Variants in USP7 observed in about 807,000 individuals in gnomAD.
USP7 encodes the protein ubiquitin C-terminal hydrolase 7.
Under a neutral mutation model 162.9 loss-of-function variants are expected in USP7, and 9 were observed. The ratio of observed to expected loss-of-function variants is 0.06; its 90% CI spans 0.03 to 0.10. The LOEUF (loss-of-function observed/expected upper bound fraction) is 0.10. USP7 is among the 10% of genes least tolerant of loss of function. The pLI is 1.00. For missense variants in USP7, 715 were observed against 1,373.7 expected (o/e 0.52, Z 7.58); for synonymous variants, 562 against 475.9 (o/e 1.18, Z -2.35).
rs765337096 is a variant in USP7 at position 8,894,659 on chromosome 16, A to T, written c.3112-19T>A. On this transcript the variant is annotated intron_variant, in intron 29 of 30. Transcript: ENST00000344836. Reference sequence around the variant, plus strand: ...ATTTAAACTAAAAGAAAAAAAATTAAAACTCCTCCGTTATTTCTGTATATC... The same window carrying T: ...ATTTAAACTAAAAGAAAAAAAATTATAACTCCTCCGTTATTTCTGTATATC... The T allele has an allele frequency of 6.2e-7, 1 of 1,612,300 alleles. No individual in the cohort carries two copies. Among genetic ancestry groups the T allele is most frequent in the Admixed American group, 1.7e-5 (1 of 59,826 alleles).
chr16:8,923,253 T>C lies in USP7; in HGVS notation c.345A>G (p.Val115=). The stretch of plus-strand genomic sequence containing the variant: ...CAGCATTGCACTGGAGAAAGAATCC[T>C]ACGCTTTTTTGGTGTGGTCTGTCTG... ...FYPDRPHQKS[V]GFFLQCNAES... The change falls in exon 3 of 31, where the codon GTA becomes GTG. Residue 115 remains valine, a synonymous_variant. Transcript: ENST00000344836. 3 of 1,208,774 alleles carry C rather than the reference T, an allele frequency of 2.5e-6. No homozygotes were observed. The highest frequency in any genetic ancestry group is 3.2e-6 in the Non-Finnish European group (3 of 945,094). The allele number at this position is 1,208,774 out of a possible 1,614,324, so 74.9% of individuals were successfully genotyped here.
chr16:8,899,740 T>A lies in USP7; in HGVS notation c.2327A>T (p.Asp776Val). ...CTTTGCGGTGGGTAATTCACTGTTA[T>A]CATTTTCAGGGTCATCCCTGGTGGA... is the stretch of plus-strand genomic sequence containing the variant. ...IVFQKDDPEN[D>V]NSELPTAKEY... Residue 776 changes from aspartate to valine, a missense_variant, in exon 22 of 31, where the codon GAT becomes GTT. By Grantham distance (152) the Asp-to-Val change is radical. Transcript: ENST00000344836. 6.2e-7 allele frequency: 1 copy of A among 1,614,188 alleles called. No homozygotes were observed. Among genetic ancestry groups the A allele is most frequent in the Non-Finnish European group, 8.5e-7 (1 of 1,180,028 alleles).
chr16:8,900,843 T>G, intron 20 of USP7, 147 bp downstream of exon 20: 1 of 846,828 alleles, frequency 1.2e-6, no homozygotes, highest in Non-Finnish European at 1.8e-6. Flanking sequence ...AATTCACAAA[T>G]CTAAATATGT....
At chr16:8,953,314 T>C (rs1385170007) in intron 1 of USP7, among the ~76,000 whole-genome samples, 2 of 151,660 alleles carry the variant, frequency 1.3e-5, no homozygotes. Context: ...CGGGGTAGAG[T>C]TGAGACCATA....
At chr16:8,933,654 T>C (rs149375139) in intron 1 of USP7, among the ~76,000 whole-genome samples, 12 of 152,216 alleles carry the variant, frequency 7.9e-5, no homozygotes, top group African/African-American at 2.6e-4. Context: ...GATTTTACAA[T>C]GTTGCCCAGG....
rs762920286 is a variant in USP7, at chr16:8,899,191, A to G, written c.2464-3T>C. 6.2e-7 allele frequency: 1 copy of G among 1,613,748 alleles called. No individual in the cohort carries two copies. Among genetic ancestry groups the G allele is most frequent in the Admixed American group, 1.7e-5 (1 of 59,936 alleles). On this transcript the variant is annotated splice_polypyrimidine_tract_variant and splice_region_variant and intron_variant, in intron 22 of 30. Transcript: ENST00000344836. ...CTCTGTGCAACTGTCTTTGCAACCT[A>G]AGACACAGAAAGGAAGGTTCACATT...
At chr16:8,940,145 A>G (rs755249669) in intron 1 of USP7, among the ~76,000 whole-genome samples, 2 of 151,616 alleles carry the variant, frequency 1.3e-5, no homozygotes, top group Non-Finnish European at 2.9e-5. Flanking sequence ...TATTTTTGTG[A>G]CTCCAAATGA....
intron 2 of USP7, 105 bp downstream of exon 2, chr16:8,930,188 C>T: frequency 1.2e-6 from 1 of 824,226 alleles, no homozygotes; most frequent in Non-Finnish European, 1.9e-6. Flanking sequence ...ACTAGCTACG[C>T]TCAGAAGTAC....
intron 2 of USP7, among the ~76,000 whole-genome samples, chr16:8,923,964 G>C (rs1406471279): frequency 6.6e-6 from 1 of 152,100 alleles, no homozygotes; most frequent in Non-Finnish European, 1.5e-5. Flanking sequence ...ATTGGTTCAC[G>C]ATTTTTGCAA....
intron 13 of USP7, among the ~76,000 whole-genome samples, chr16:8,905,711 T>C (rs1009454210): frequency 2.0e-5 from 3 of 152,224 alleles, no homozygotes; most frequent in Non-Finnish European, 4.4e-5. Flanking sequence ...GTTCAAATTT[T>C]ATCCTTTAGT....
chr16:8,921,163 G>A lies in USP7; in HGVS notation c.516C>T (p.Ala172=). ...ENDWGFSNFM[A]WSEVTDPEKG... The stretch of plus-strand genomic sequence containing the variant: ...TAAATACACTGTTACTTACACTCCA[G>A]GCCATAAAATTGGAAAATCCCCAAT... Residue 172 remains alanine, a synonymous_variant, in exon 4 of 31, where the codon GCC becomes GCT. Transcript: ENST00000344836. 1 of 1,613,724 alleles carries A rather than the reference G, an allele frequency of 6.2e-7. No individual in the cohort carries two copies. Among genetic ancestry groups the A allele is most frequent in the Non-Finnish European group, 8.5e-7 (1 of 1,179,992 alleles).
At chr16:8,912,214 G>C (rs939260348) in intron 10 of USP7, among the ~76,000 whole-genome samples, 3 of 152,198 alleles carry the variant, frequency 2.0e-5, no homozygotes, top group African/African-American at 7.2e-5. Context: ...CACTTTGGGA[G>C]GCAGAGGTAC....
chr16:8,896,697 C>G (rs572210658), intron 26 of USP7, among the ~76,000 whole-genome samples: 1 of 152,154 alleles, frequency 6.6e-6, no homozygotes, highest in African/African-American at 2.4e-5. Context: ...CTTTTTACTA[C>G]AGCTAATGTT....
At position 8,895,658 on chromosome 16, in the gene USP7, C is replaced by T; in HGVS notation, c.2903G>A (p.Arg968Gln). ...GACAGATACCTCTATTCGAAACGTC[C>T]GGCTCGTTGCAGGAGATAAACATTC... Reference protein sequence around the residue: ...LLECLSPATSRTFRIEEIPLD... With the variant: ...LLECLSPATSQTFRIEEIPLD... The change falls in exon 27 of 31, where the codon CGG becomes CAG. Residue 968 changes from arginine (R) to glutamine (Q), a missense_variant. Physicochemically the swap from Arg to Gln is conservative, Grantham distance 43. Coordinates refer to ENST00000344836, the MANE Select transcript of USP7 (RefSeq NM_003470.3). 1 of 1,612,924 alleles carries T rather than the reference C, an allele frequency of 6.2e-7. No homozygotes were observed. The highest frequency in any genetic ancestry group is 8.5e-7 in the Non-Finnish European group (1 of 1,179,650).
chr16:8,923,134 A>G (rs1897794147), intron 3 of USP7, 81 bp downstream of exon 3: 3 of 1,062,500 alleles, frequency 2.8e-6, no homozygotes, highest in Non-Finnish European at 2.8e-6. Context: ...TCAAAAGGCT[A>G]TGTAGAGGCA....
chr16:8,939,400 G>C (rs1353995325), intron 1 of USP7, among the ~76,000 whole-genome samples: 1 of 152,226 alleles, frequency 6.6e-6, no homozygotes, highest in South Asian at 2.1e-4. Context: ...GGATATCATG[G>C]CAGGGATGGA....
intron 23 of USP7, 32 bp from the exon 24 acceptor site, chr16:8,898,671 C>T (rs755295700): frequency 2.0e-6 from 3 of 1,498,616 alleles, no homozygotes; most frequent in East Asian, 2.3e-5. Flanking sequence ...AAATAAATGA[C>T]TTGTTTATTT....
In USP7 at chr16:8,953,437, A is replaced by C. The variant is rs114819809; in HGVS notation, c.79+9770T>G. 7.9e-3 allele frequency among the ~76,000 whole-genome samples: 1,205 copies of C among 152,202 alleles called. 14 individuals carry two copies. Among genetic ancestry groups the C allele is most frequent in the African/African-American group, 0.028 (1,154 of 41,494 alleles). On this transcript the variant is annotated intron_variant, in intron 1 of 30. Transcript: ENST00000344836. Reference sequence around the variant, plus strand: ...AAGGACACTCCTACTGCCACTAAGTAAAGTCTGAGGTACGATCCAAGGGGA... The same window carrying C: ...AAGGACACTCCTACTGCCACTAAGTCAAGTCTGAGGTACGATCCAAGGGGA...
chr16:8,952,065 TAAA>T (rs1439095881), intron 1 of USP7, among the ~76,000 whole-genome samples: 2 of 33,540 alleles, frequency 6.0e-5, no homozygotes, highest in African/African-American at 1.3e-4. Context: ...GGTGTTTAAA[TAAA>T]AAAGTAGACC....
Sources: gnomAD v4.1 joint callset for allele counts (sites outside exome capture counted in the v4.1 genomes callset) on GRCh38, gnomAD v4.1.1 for gene constraint, MANE v1.5 for transcripts, NCBI Gene and HGNC (gene_info 2026-07-23, HGNC 2026-07-21) for gene names.